TBC1D14: variants seen among roughly 807,000 people sequenced by gnomAD.
The protein encoded by TBC1D14 is TBC1 domain family member 14, also known as TBC1 domain family, member 14.
A neutral mutation model predicts 79.0 loss-of-function variants in TBC1D14; 26 were observed. That is an observed-to-expected ratio of 0.33 (90% CI 0.24 to 0.46). TBC1D14 has a LOEUF of 0.46. Ranked by LOEUF, TBC1D14 falls within the 20% of genes least tolerant of loss-of-function variation. The probability of loss-of-function intolerance (pLI) is 1.00; values close to 1 mark genes in which losing one functional copy is unlikely to be tolerated. For synonymous variants in TBC1D14, 394 were observed against 349.9 expected, an observed-to-expected ratio of 1.13 and a Z score of -1.40; for missense variants, 769 against 887.6, an observed-to-expected ratio of 0.87 and a Z score of 1.70.
rs367679601 is a variant in TBC1D14, at chr4:7,029,353, A to T, written c.2017-974A>T. 4.3e-4 allele frequency among the ~76,000 whole-genome samples: 65 copies of T among 152,348 alleles called. No homozygotes were observed. In the Middle Eastern group the frequency reaches 0.017, roughly 40 times the overall value. On this transcript the variant is annotated intron_variant, in intron 13 of 13. Coordinates refer to ENST00000409757, the MANE Select transcript of TBC1D14 (RefSeq NM_020773.3). ...AAGATTCTCTTGGTTTCACCCTTGG[A>T]CTTTGAGCACGTCACTTCCGTACAT...
chr4:6,938,123 G>C (rs1479099107), intron 2 of TBC1D14, among the ~76,000 whole-genome samples: 2 of 152,188 alleles, frequency 1.3e-5, no homozygotes, highest in African/African-American at 4.8e-5. Flanking sequence ...GCCTTGCCGA[G>C]ACACAGCTTC....
intron 3 of TBC1D14, among the ~76,000 whole-genome samples, chr4:6,970,718 C>T (rs1448385875): frequency 2.7e-3 from 284 of 104,064 alleles, no homozygotes; most frequent in South Asian, 4.8e-3. Flanking sequence ...GAGCCCGTGG[C>T]TGAGCTGGGG....
At chr4:6,981,139 C>T (rs147882770) in intron 3 of TBC1D14, among the ~76,000 whole-genome samples, 139 of 151,962 alleles carry the variant, frequency 9.1e-4, no homozygotes, top group African/African-American at 3.0e-3. Context: ...ATTCTCATGC[C>T]TCAGCCACCC....
At position 6,952,007 on chromosome 4, in the gene TBC1D14, G is replaced by T. The variant is rs113892637; in HGVS notation, c.723-15297G>T. ...GGGCTGGGAAGGCTTTGGCTGATAG[G>T]CTGTTGTCGTGGTTATGCCCCTTTG... On this transcript the variant is annotated intron_variant, in intron 2 of 13. Coordinates refer to ENST00000409757, the MANE Select transcript of TBC1D14 (RefSeq NM_020773.3). Among the ~76,000 whole-genome samples the T allele has an allele frequency of 2.5e-3, 374 of 152,270 alleles. 3 individuals are homozygous for T. The highest frequency in any genetic ancestry group is 8.5e-3 in the African/African-American group (355 of 41,536).
At chr4:6,977,069 C>CCCT (rs1393360102) in intron 3 of TBC1D14, among the ~76,000 whole-genome samples, 1 of 12,160 alleles carries the variant, frequency 8.2e-5, no homozygotes, top group Non-Finnish European at 3.6e-4. Flanking sequence ...TCCCTCCTCT[C>CCCT]CCTCTCCCTC....
intron 8 of TBC1D14, 53 bp from the exon 9 acceptor site, chr4:7,006,579 G>A: frequency 2.0e-6 from 3 of 1,516,214 alleles, no homozygotes; most frequent in Non-Finnish European, 2.7e-6. Flanking sequence ...GCTCGTAATT[G>A]TCCTACATTC....
At chr4:6,987,164 GC>G (rs1412108983) in intron 3 of TBC1D14, 1 of 1,189,826 alleles carries the variant, frequency 8.4e-7, no homozygotes, top group Non-Finnish European at 1.0e-6. Flanking sequence ...CGAGCCGGCA[GC>G]GCGGATCGCC....
intron 6 of TBC1D14, among the ~76,000 whole-genome samples, chr4:6,999,558 G>T (rs909591492): frequency 2.0e-5 from 3 of 152,106 alleles, no homozygotes; most frequent in Non-Finnish European, 2.9e-5. Context: ...TTCCTCGGCA[G>T]CCTCACCCTC....
intron 3 of TBC1D14, among the ~76,000 whole-genome samples, chr4:6,969,081 C>T (rs77048841): frequency 0.054 from 8,269 of 152,236 alleles, 242 homozygotes; most frequent in Middle Eastern, 0.082. Context: ...TGAGTGTTGT[C>T]TGCCATTCTC....
At chr4:6,978,658 T>C (rs914107001) in intron 3 of TBC1D14, among the ~76,000 whole-genome samples, 6 of 148,328 alleles carry the variant, frequency 4.0e-5, no homozygotes, top group Non-Finnish European at 7.4e-5. Context: ...TTCACTTGTT[T>C]ATCTGCTGAC....
intron 2 of TBC1D14, among the ~76,000 whole-genome samples, chr4:6,944,889 C>T (rs1036356746): frequency 6.6e-6 from 1 of 152,208 alleles, no homozygotes; most frequent in East Asian, 1.9e-4. Flanking sequence ...TCTCCCGTCT[C>T]CTCTGCAGCT....
chr4:7,007,144 C>T (rs572217239), intron 9 of TBC1D14, among the ~76,000 whole-genome samples: 12 of 152,198 alleles, frequency 7.9e-5, no homozygotes, highest in African/African-American at 1.4e-4. Context: ...GCAGTGAGCC[C>T]GTGTGAGAAA....
At chr4:6,962,181 T>C (rs1251345339) in intron 2 of TBC1D14, among the ~76,000 whole-genome samples, 1 of 152,186 alleles carries the variant, frequency 6.6e-6, no homozygotes, top group Non-Finnish European at 1.5e-5. Flanking sequence ...AGGTGAGATA[T>C]GCCAGCACCT....
intron 3 of TBC1D14, among the ~76,000 whole-genome samples, chr4:6,980,260 C>T (rs1389386643): frequency 6.6e-6 from 1 of 152,150 alleles, no homozygotes; most frequent in Non-Finnish European, 1.5e-5. Context: ...ATTGCCTCCC[C>T]AAACTTGCAC....
intron 13 of TBC1D14, among the ~76,000 whole-genome samples, chr4:7,027,354 C>T (rs562079759): frequency 3.0e-5 from 4 of 135,498 alleles, no homozygotes; most frequent in African/African-American, 5.5e-5. Context: ...ATCACCTCCA[C>T]GCACACACAT....
At chr4:7,016,413 T>G (rs924614648) in intron 12 of TBC1D14, among the ~76,000 whole-genome samples, 2 of 152,224 alleles carry the variant, frequency 1.3e-5, no homozygotes, top group East Asian at 3.9e-4. Context: ...CGTGTGCATT[T>G]GACTGCGAGC....
chr4:6,955,880 G>A (rs147599053), intron 2 of TBC1D14, among the ~76,000 whole-genome samples: 8 of 152,232 alleles, frequency 5.3e-5, no homozygotes, highest in African/African-American at 1.2e-4. Flanking sequence ...AGTCCGAGTC[G>A]CAGCTCTGTG....
At chr4:6,976,795 G>C (rs1406399052) in intron 3 of TBC1D14, among the ~76,000 whole-genome samples, 1 of 152,100 alleles carries the variant, frequency 6.6e-6, no homozygotes, top group African/African-American at 2.4e-5. Flanking sequence ...AGTAGATGTT[G>C]CCTTTAAATA....
At chr4:7,013,837 G>C (rs901407070) in intron 11 of TBC1D14, among the ~76,000 whole-genome samples, 1 of 151,976 alleles carries the variant, frequency 6.6e-6, no homozygotes, top group South Asian at 2.1e-4. Flanking sequence ...TCCGCCTCCC[G>C]GGTTCACGCC....
Sources: allele counts gnomAD v4.1 joint callset (sites outside exome capture counted in the v4.1 genomes callset), GRCh38; gene constraint gnomAD v4.1.1; transcripts MANE v1.5; gene names NCBI Gene and HGNC (gene_info 2026-07-23, HGNC 2026-07-21).